Variants in CLGN observed in about 807,000 individuals in gnomAD.
CLGN encodes the protein calmegin.
Under a neutral mutation model 79.1 loss-of-function variants are expected in CLGN, and 62 were observed. The ratio of observed to expected loss-of-function variants is 0.78; its 90% CI spans 0.64 to 0.97. CLGN has a LOEUF of 0.97. CLGN is among the 50% of genes least tolerant of loss of function. CLGN has a pLI of 0.00. For synonymous variants in CLGN, 225 were observed against 224.7 expected, an observed-to-expected ratio of 1.00 and a Z score of -0.01; for missense variants, 647 against 715.5, an observed-to-expected ratio of 0.90 and a Z score of 1.09.
intron 4 of CLGN, 130 bp from the exon 5 acceptor site, chr4:140,406,213 G>A: frequency 1.2e-6 from 1 of 801,014 alleles, no homozygotes; most frequent in African/African-American, 1.8e-5. Flanking sequence ...TTTAAATCAG[G>A]AAATATCTTC....
chr4:140,406,718 T>C (rs1237020089), intron 4 of CLGN, among the ~76,000 whole-genome samples: 2 of 152,182 alleles, frequency 1.3e-5, no homozygotes, highest in Non-Finnish European at 2.9e-5. Flanking sequence ...TGTGTTACAA[T>C]TTTCCATGTT....
intron 8 of CLGN, among the ~76,000 whole-genome samples, chr4:140,398,448 T>C (rs896037128): frequency 1.3e-5 from 2 of 151,978 alleles, no homozygotes; most frequent in African/African-American, 4.8e-5. Flanking sequence ...TTTGTGTTTT[T>C]AGTAGAGACG....
chr4:140,425,694 T>A lies in CLGN; in HGVS notation c.-10+1843A>T, dbSNP rs112443552. ...CCCAGGCTGGAGTGCAGTGGCACAA[T>A]CTCGGCTCACTGCAACCTCTGCCTC... On this transcript the variant is annotated intron_variant, in intron 1 of 14. Transcript: ENST00000325617. Among the ~76,000 whole-genome samples, 1,089 of 135,176 alleles carry A rather than the reference T, an allele frequency of 8.1e-3. 10 individuals carry two copies. Among genetic ancestry groups the A allele is most frequent in the African/African-American group, 0.027 (996 of 36,650 alleles). 88.7% of individuals were successfully genotyped at this position (135,176 alleles called of 152,430 possible).
chr4:140,393,123 T>C (rs1728806755), intron 11 of CLGN, among the ~76,000 whole-genome samples: 1 of 152,048 alleles, frequency 6.6e-6, no homozygotes, highest in African/African-American at 2.4e-5. Context: ...ATTGTTTTCT[T>C]TTTTATATAA....
At chr4:140,409,698 A>T in intron 4 of CLGN, 139 bp downstream of exon 4, 1 of 472,654 alleles carries the variant, frequency 2.1e-6, no homozygotes, top group South Asian at 3.7e-5. Context: ...TTGAAGAGGG[A>T]CAAGATAAAA....
intron 1 of CLGN, chr4:140,426,650 C>T (rs1280349267): frequency 1.3e-5 from 2 of 152,254 alleles, no homozygotes; most frequent in African/African-American, 2.4e-5. Context: ...AAAGTTTATA[C>T]GTTAATGAAC....
chr4:140,413,496 C>T (rs533466576), intron 1 of CLGN, among the ~76,000 whole-genome samples: 124 of 152,210 alleles, frequency 8.1e-4, no homozygotes, highest in African/African-American at 2.6e-3. Context: ...TCAGTGGGTG[C>T]GTGCACCGTG....
intron 13 of CLGN, among the ~76,000 whole-genome samples, chr4:140,391,831 T>A (rs1728778488): frequency 6.6e-6 from 1 of 151,868 alleles, no homozygotes; most frequent in Non-Finnish European, 1.5e-5. Context: ...TGGTGTTGAT[T>A]TTGTTGCTGC....
At chr4:140,423,345 TTTC>T (rs1729505919) in intron 1 of CLGN, among the ~76,000 whole-genome samples, 1 of 152,224 alleles carries the variant, frequency 6.6e-6, no homozygotes, top group Admixed American at 6.5e-5. Context: ...GTACACTGAT[TTTC>T]TTATGTTGAA....
intron 2 of CLGN, 74 bp downstream of exon 2, chr4:140,412,861 G>T: frequency 7.9e-7 from 1 of 1,258,930 alleles, no homozygotes; most frequent in Middle Eastern, 2.3e-4. Context: ...GAACTGAAAT[G>T]AATCACCAGA....
At chr4:140,396,356 C>T (rs1291120784) in intron 8 of CLGN, 151 bp from the exon 9 acceptor site, 8 of 699,224 alleles carry the variant, frequency 1.1e-5, no homozygotes, top group African/African-American at 1.1e-4. Flanking sequence ...CTTTTGCTAA[C>T]TTGCCAATTT....
At chr4:140,410,695 A>G in intron 2 of CLGN, 69 bp from the exon 3 acceptor site, 1 of 973,628 alleles carries the variant, frequency 1.0e-6, no homozygotes. Context: ...TAATCTTCCT[A>G]GTGAAGAACA....
intron 1 of CLGN, among the ~76,000 whole-genome samples, chr4:140,419,956 C>T (rs1729432235): frequency 6.6e-6 from 1 of 152,064 alleles, no homozygotes; most frequent in Admixed American, 6.6e-5. Context: ...GCCTAAGGGC[C>T]TTCCATGTTA....
At chr4:140,390,354 A>T (rs759803228) in intron 14 of CLGN, among the ~76,000 whole-genome samples, 28 of 151,808 alleles carry the variant, frequency 1.8e-4, no homozygotes, top group Non-Finnish European at 3.7e-4. Flanking sequence ...TAGAATTTCA[A>T]TGAGAAAGTC....
At chr4:140,411,087 A>G (rs1284915778) in intron 2 of CLGN, among the ~76,000 whole-genome samples, 1 of 152,104 alleles carries the variant, frequency 6.6e-6, no homozygotes, top group Non-Finnish European at 1.5e-5. Flanking sequence ...TTCTATGGAG[A>G]TAGCATTGCA....
intron 13 of CLGN, among the ~76,000 whole-genome samples, chr4:140,391,197 G>A (rs1352913284): frequency 1.3e-5 from 2 of 151,652 alleles, no homozygotes; most frequent in African/African-American, 4.8e-5. Context: ...CGTCCTAGGA[G>A]CTATATAAAG....
intron 10 of CLGN, among the ~76,000 whole-genome samples, chr4:140,394,965 G>A (rs1213423814): frequency 1.3e-5 from 2 of 151,976 alleles, no homozygotes; most frequent in Non-Finnish European, 2.9e-5. Flanking sequence ...GCGGATCACG[G>A]TCAGGAGTTC....
intron 11 of CLGN, among the ~76,000 whole-genome samples, 191 bp from the exon 12 acceptor site, chr4:140,392,902 G>C (rs6818835): frequency 0.6 from 90,458 of 151,918 alleles, 28,124 homozygotes; most frequent in Non-Finnish European, 0.71. Context: ...GCATCACTGA[G>C]TGAGACTTGA....
In CLGN at chr4:140,417,995, A is replaced by T. The variant is rs1423842263; in HGVS notation, c.-9-4908T>A. The stretch of plus-strand genomic sequence containing the variant: ...ACCAAAACAGCATGGTACTGGTACC[A>T]AAACAGAGATATGGATCAATGGAAC... On this transcript the variant is annotated intron_variant, in intron 1 of 14. Coordinates refer to ENST00000325617, the MANE Select transcript of CLGN (RefSeq NM_004362.3). Among the ~76,000 whole-genome samples, 9 of 152,354 alleles carry T rather than the reference A, an allele frequency of 5.9e-5. No individual in the cohort carries two copies. In the South Asian group the frequency reaches 1.0e-3, roughly 18 times the overall value.
Sources: gnomAD v4.1 joint callset for allele counts (sites outside exome capture counted in the v4.1 genomes callset) on GRCh38, gnomAD v4.1.1 for gene constraint, MANE v1.5 for transcripts, NCBI Gene and HGNC (gene_info 2026-07-23, HGNC 2026-07-21) for gene names.